The following XKR4 variants were observed in gnomAD, a reference collection of about 807,000 sequenced individuals.
XKR4 encodes the protein XK-related protein 4.
In XKR4, 12 loss-of-function variants were observed where a neutral mutation model predicts 53.9. The ratio of observed to expected loss-of-function variants is 0.22; its 90% CI spans 0.14 to 0.36. The LOEUF is 0.36. Among genes scored for constraint, XKR4 ranks in the 10% least tolerant of loss-of-function variants. The pLI is 1.00. For synonymous variants in XKR4, 354 were observed against 362.4 expected (o/e 0.98, Z 0.26); for missense variants, 799 against 859.5 (o/e 0.93, Z 0.88).
At chr8:55,445,285 C>T (rs955281439) in intron 2 of XKR4, among the ~76,000 whole-genome samples, 9 of 152,064 alleles carry the variant, frequency 5.9e-5, no homozygotes, top group African/African-American at 2.2e-4. Flanking sequence ...TCTCGATCTC[C>T]TGACCTCGTG....
chr8:55,306,518 G>A (rs537460761), intron 1 of XKR4, among the ~76,000 whole-genome samples: 12 of 152,294 alleles, frequency 7.9e-5, no homozygotes, highest in South Asian at 4.1e-4. Context: ...CTATCATGGC[G>A]GAAGGCAAGG....
chr8:55,511,909 A>G (rs539999892), intron 2 of XKR4, among the ~76,000 whole-genome samples: 270 of 152,300 alleles, frequency 1.8e-3, no homozygotes, highest in African/African-American at 6.2e-3. Flanking sequence ...CTCCAATAAA[A>G]TTTCCTTCAA....
At chr8:55,148,873 C>CTTA (rs1816805578) in intron 1 of XKR4, among the ~76,000 whole-genome samples, 1 of 152,144 alleles carries the variant, frequency 6.6e-6, no homozygotes, top group African/African-American at 2.4e-5. Context: ...AGAAAGCGTC[C>CTTA]TTAGCAGAGA....
chr8:55,464,215 C>T (rs1386759843), intron 2 of XKR4, among the ~76,000 whole-genome samples: 1 of 152,074 alleles, frequency 6.6e-6, no homozygotes, highest in African/African-American at 2.4e-5. Flanking sequence ...AACATTGATG[C>T]AAAAATCCTC....
intron 1 of XKR4, among the ~76,000 whole-genome samples, chr8:55,131,249 T>C (rs575002444): frequency 5.9e-5 from 9 of 152,198 alleles, no homozygotes; most frequent in Non-Finnish European, 1.2e-4. Flanking sequence ...CATTTTAATG[T>C]GTTCCTCAGG....
At chr8:55,414,801 G>C (rs931465347) in intron 2 of XKR4, among the ~76,000 whole-genome samples, 2 of 152,114 alleles carry the variant, frequency 1.3e-5, no homozygotes, top group African/African-American at 4.8e-5. Context: ...GTCTAATAAG[G>C]ATGCTGGAAA....
In XKR4 at chr8:55,262,521, T is replaced by C. The variant is rs555430866; in HGVS notation, c.807-95157T>C. ...AGCCCCAGTGATGGGATTAGTGTCC[T>C]TAAAGAAGATAACGGAAAGATCAGA... is the stretch of plus-strand genomic sequence containing the variant. On this transcript the variant is annotated intron_variant, in intron 1 of 2. Transcript: ENST00000327381. Among the ~76,000 whole-genome samples the C allele has an allele frequency of 4.6e-5, 7 of 152,330 alleles. No individual in the cohort carries two copies. The South Asian group carries it at 1.4e-3, about 32-fold the overall frequency.
In XKR4 at chr8:55,537,571, A is replaced by T. The variant is rs993683675; in HGVS notation, c.*13344A>T. 1 of 152,222 alleles carries T rather than the reference A, an allele frequency of 6.6e-6. No individual in the cohort carries two copies. The highest frequency in any genetic ancestry group is 2.4e-5 in the African/African-American group (1 of 41,458). The allele number at this position is 152,222 out of a possible 1,614,324, so 9.4% of individuals were successfully genotyped here. On this transcript the variant is annotated 3_prime_UTR_variant, in exon 3 of 3. Transcript: ENST00000327381. ...GGTATTCAACTATGCAAAGATATTGAGGGGATTTCCAGAGAAAACTTAAAT... is the reference window on the plus strand; with the variant it reads ...GGTATTCAACTATGCAAAGATATTGTGGGGATTTCCAGAGAAAACTTAAAT...
intron 1 of XKR4, among the ~76,000 whole-genome samples, chr8:55,122,126 T>A (rs1177237348): frequency 6.6e-6 from 1 of 152,226 alleles, no homozygotes; most frequent in Non-Finnish European, 1.5e-5. Flanking sequence ...AAAAATTTCA[T>A]CCTCATTTGT....
chr8:55,396,603 G>A (rs894129558), intron 2 of XKR4, among the ~76,000 whole-genome samples: 1 of 151,898 alleles, frequency 6.6e-6, no homozygotes, highest in African/African-American at 2.4e-5. Flanking sequence ...AGTTAGAGCC[G>A]GCATCTCTAT....
chr8:55,341,457 C>T (rs1453324238), intron 1 of XKR4, among the ~76,000 whole-genome samples: 2 of 152,148 alleles, frequency 1.3e-5, no homozygotes, highest in African/African-American at 4.8e-5. Context: ...GCTACAGGAC[C>T]ACAGGCAGAG....
Position 55,410,279 on chromosome 8 carries a change from A to T in XKR4, c.1006+52402A>T, listed in dbSNP as rs553730084. 4.0e-5 allele frequency among the ~76,000 whole-genome samples: 6 copies of T among 151,754 alleles called. No homozygotes were observed. The South Asian group carries it at 1.3e-3, about 32-fold the overall frequency. ...TCCTTGTCTCCTCCCTTCTCCACTG[A>T]TTTCCGGGTCCATCCACTGGCTGTG... On this transcript the variant is annotated intron_variant, in intron 2 of 2. Coordinates refer to ENST00000327381, the MANE Select transcript of XKR4 (RefSeq NM_052898.2).
intron 2 of XKR4, among the ~76,000 whole-genome samples, chr8:55,431,649 A>G (rs1355625559): frequency 6.6e-6 from 1 of 152,164 alleles, no homozygotes; most frequent in Admixed American, 6.5e-5. Context: ...CAACTTCTCA[A>G]TTTCTCAGGG....
chr8:55,237,645 C>T (rs1818152065), intron 1 of XKR4, among the ~76,000 whole-genome samples: 1 of 152,188 alleles, frequency 6.6e-6, no homozygotes, highest in African/African-American at 2.4e-5. Context: ...ACTACTTTCA[C>T]ATCTTGATTA....
intron 1 of XKR4, among the ~76,000 whole-genome samples, chr8:55,299,022 G>T (rs1819140878): frequency 6.6e-6 from 1 of 152,114 alleles, no homozygotes; most frequent in African/African-American, 2.4e-5. Flanking sequence ...TCAATTGTCT[G>T]GCCCTTCCTT....
intron 2 of XKR4, among the ~76,000 whole-genome samples, chr8:55,362,540 A>C (rs1054323230): frequency 1.3e-5 from 2 of 152,168 alleles, no homozygotes; most frequent in African/African-American, 4.8e-5. Context: ...CAAGTTAAAA[A>C]GTCTTGAGAC....
intron 2 of XKR4, among the ~76,000 whole-genome samples, chr8:55,504,725 A>G (rs770465088): frequency 6.6e-6 from 1 of 152,112 alleles, no homozygotes; most frequent in Non-Finnish European, 1.5e-5. Context: ...AACAGATGTT[A>G]TCTCCTTACT....
At chr8:55,382,154 A>T (rs1446615312) in intron 2 of XKR4, among the ~76,000 whole-genome samples, 6 of 152,260 alleles carry the variant, frequency 3.9e-5, no homozygotes, top group Non-Finnish European at 8.8e-5. Flanking sequence ...GCCAGGAAAA[A>T]CAATAATTAT....
intron 1 of XKR4, chr8:55,164,179 C>T: frequency 2.2e-6 from 1 of 456,694 alleles, no homozygotes. Flanking sequence ...TGGCCCAGCA[C>T]ACAGGTTGCC....
Sources: gnomAD v4.1 joint callset for allele counts (sites outside exome capture counted in the v4.1 genomes callset) on GRCh38, gnomAD v4.1.1 for gene constraint, MANE v1.5 for transcripts, NCBI Gene and HGNC (gene_info 2026-07-23, HGNC 2026-07-21) for gene names.